The following FBXL2 variants were observed in gnomAD, a reference collection of about 807,000 sequenced individuals.
FBXL2 encodes F-box/LRR-repeat protein 2.
In FBXL2, 38 loss-of-function variants were observed where a neutral mutation model predicts 69.2. The observed-to-expected ratio is 0.55, with a 90% CI of 0.42 to 0.72. The LOEUF is 0.72. Ranked by LOEUF, FBXL2 falls within the 30% of genes least tolerant of loss-of-function variation. The pLI is 0.00. For missense variants in FBXL2, 354 were observed against 520.3 expected (o/e 0.68, Z 3.11); for synonymous variants, 192 against 201.3 (o/e 0.95, Z 0.39).
At chr3:33,305,304 T>C (rs753626860) in intron 2 of FBXL2, among the ~76,000 whole-genome samples, 1 of 151,982 alleles carries the variant, frequency 6.6e-6, no homozygotes, top group Non-Finnish European at 1.5e-5. Context: ...ATATATAAGA[T>C]AAGAATACAT....
chr3:33,397,595 A>T (rs958190765), intron 12 of FBXL2: 2 of 152,502 alleles, frequency 1.3e-5, no homozygotes, highest in African/African-American at 4.8e-5. Flanking sequence ...AAGAGTTGGT[A>T]GCCGAACTAG....
At chr3:33,390,695 A>T (rs1165816859), downstream of FBXL2, 3 of 328,420 alleles carry the variant, frequency 9.1e-6, no homozygotes, top group East Asian at 1.6e-4. Context: ...AGCTAGAAGG[A>T]GAACAGGTGA....
the FBXL2 span, among the ~76,000 whole-genome samples, chr3:33,415,639 A>G: frequency 6.6e-6 from 1 of 152,138 alleles, no homozygotes; most frequent in African/African-American, 2.4e-5. Flanking sequence ...TTGTTCTAAC[A>G]TTTTTGGATC....
At chr3:33,346,198 T>C (rs2040420149) in intron 2 of FBXL2, among the ~76,000 whole-genome samples, 1 of 151,964 alleles carries the variant, frequency 6.6e-6, no homozygotes, top group Non-Finnish European at 1.5e-5. Context: ...TGCACTCCAG[T>C]CTGGGCAACA....
At chr3:33,366,538 C>T (rs1426429865) in intron 5 of FBXL2, among the ~76,000 whole-genome samples, 1 of 152,026 alleles carries the variant, frequency 6.6e-6, no homozygotes, top group African/African-American at 2.4e-5. Flanking sequence ...GTGGTGCATA[C>T]CTGTAGTCCT....
Position 33,385,766 on chromosome 3 carries a change from A to G in FBXL2, c.*158A>G. 1 of 629,556 alleles carries G rather than the reference A, an allele frequency of 1.6e-6. No homozygotes were observed. Among genetic ancestry groups the G allele is most frequent in the East Asian group, 2.7e-5 (1 of 36,540 alleles). The allele number at this position is 629,556 out of a possible 1,614,324, so 39.0% of individuals were successfully genotyped here. On this transcript the variant is annotated 3_prime_UTR_variant, in exon 15 of 15. Transcript: ENST00000484457. The stretch of plus-strand genomic sequence containing the variant: ...TGTATGGATTGCAGTTACTCTGGTG[A>G]TAGTTTTCACCTTTATTCTGCTGTG...
chr3:33,287,582 C>G (rs1211227239), intron 1 of FBXL2, among the ~76,000 whole-genome samples: 2 of 152,144 alleles, frequency 1.3e-5, no homozygotes, highest in African/African-American at 4.8e-5. Flanking sequence ...CTCAAGCAGT[C>G]CTCCCACTTC....
the FBXL2 span, among the ~76,000 whole-genome samples, chr3:33,414,932 A>G: frequency 2.0e-5 from 3 of 152,128 alleles, no homozygotes; most frequent in Non-Finnish European, 2.9e-5. Context: ...CTGTGCATTT[A>G]TAAGTTAATG....
At chr3:33,293,210 C>A in intron 1 of FBXL2, among the ~76,000 whole-genome samples, 1 of 152,158 alleles carries the variant, frequency 6.6e-6, no homozygotes, top group East Asian at 1.9e-4. Context: ...TCATAGCTAC[C>A]ATTTGTTAAG....
chr3:33,366,453 G>A (rs1490274312), intron 5 of FBXL2, among the ~76,000 whole-genome samples: 1 of 152,018 alleles, frequency 6.6e-6, no homozygotes, highest in East Asian at 1.9e-4. Flanking sequence ...AATCACTTGA[G>A]CCCAGGATTT....
At position 33,291,978 on chromosome 3, in the gene FBXL2, A is replaced by G. The variant is rs111882905; in HGVS notation, c.4-5686A>G. On this transcript the variant is annotated intron_variant, in intron 1 of 14. Coordinates refer to ENST00000484457, the MANE Select transcript of FBXL2 (RefSeq NM_012157.5). ...GATTGAAAAAGGGTGAAAAAGATAT[A>G]CCATGCAAAAAGCATAAGAAAGTTG... 5.3e-5 allele frequency among the ~76,000 whole-genome samples: 8 copies of G among 152,314 alleles called. 1 individual carries two copies. The highest frequency in any genetic ancestry group is 1.7e-4 in the African/African-American group (7 of 41,560).
intron 12 of FBXL2, chr3:33,393,251 A>G: frequency 6.7e-7 from 1 of 1,490,142 alleles, no homozygotes; most frequent in Admixed American, 2.3e-5. Context: ...CTACAGTTCT[A>G]CAATTACATG....
chr3:33,367,616 A>G (rs1372155864), intron 5 of FBXL2, among the ~76,000 whole-genome samples: 2 of 151,278 alleles, frequency 1.3e-5, no homozygotes, highest in African/African-American at 4.9e-5. Flanking sequence ...CAGTCTGGCT[A>G]TTAAGAGGTC....
the FBXL2 span, chr3:33,411,727 AAAT>A: frequency 3.3e-6 from 5 of 1,513,688 alleles, no homozygotes; most frequent in Non-Finnish European, 4.6e-6. Context: ...CATCCACTTT[AAAT>A]AACTTAAAAA....
the FBXL2 span, chr3:33,411,442 C>G: frequency 1.5e-6 from 1 of 674,054 alleles, no homozygotes; most frequent in South Asian, 2.1e-5. Context: ...TAGATTAAAC[C>G]TAACTATGTA....
At chr3:33,401,119 T>C (rs2044212314) in intron 12 of FBXL2, 9 of 1,085,686 alleles carry the variant, frequency 8.3e-6, no homozygotes, top group Non-Finnish European at 1.2e-5. Flanking sequence ...AAATTTCAAG[T>C]AAGGCAACAG....
At chr3:33,363,284 A>G (rs1244605914) in intron 4 of FBXL2, among the ~76,000 whole-genome samples, 1 of 152,140 alleles carries the variant, frequency 6.6e-6, no homozygotes, top group Non-Finnish European at 1.5e-5. Context: ...CCAGTGAATC[A>G]CCTTCCTCAG....
At position 33,315,300 on chromosome 3, in the gene FBXL2, C is replaced by T. The variant is rs527982756; in HGVS notation, c.65+17575C>T. ...TTCCTTTCTCTCTTTCTCTGTTTCT[C>T]TCTTTCTCTTTCTCTCTCTCTTACT... On this transcript the variant is annotated intron_variant, in intron 2 of 14. Coordinates refer to ENST00000484457, the MANE Select transcript of FBXL2 (RefSeq NM_012157.5). Among the ~76,000 whole-genome samples the T allele has an allele frequency of 6.6e-4, 83 of 125,232 alleles. 1 individual carries two copies. Among genetic ancestry groups the T allele is most frequent in the African/African-American group, 1.9e-3 (65 of 35,082 alleles). The allele number at this position is 125,232 out of a possible 152,430, so 82.2% of individuals were successfully genotyped here.
chr3:33,292,542 CAGTA>C (rs753943152), intron 1 of FBXL2, among the ~76,000 whole-genome samples: 184 of 152,042 alleles, frequency 1.2e-3, no homozygotes, highest in Non-Finnish European at 2.1e-3. Context: ...AAAAAAAAGT[CAGTA>C]AGGATATAAA....
Sources: allele counts gnomAD v4.1 joint callset (sites outside exome capture counted in the v4.1 genomes callset), GRCh38; gene constraint gnomAD v4.1.1; transcripts MANE v1.5; gene names NCBI Gene and HGNC (gene_info 2026-07-23, HGNC 2026-07-21).